Variants in VRK1 observed in about 807,000 individuals in gnomAD.
VRK1 encodes the protein serine/threonine-protein kinase VRK1.
A neutral mutation model predicts 57.1 loss-of-function variants in VRK1; 33 were observed. The observed-to-expected ratio is 0.58, with a 90% CI of 0.44 to 0.77. The LOEUF (loss-of-function observed/expected upper bound fraction) is 0.77. Among genes scored for constraint, VRK1 ranks in the 30% least tolerant of loss-of-function variants. VRK1 has a pLI of 0.00. For missense variants in VRK1, 413 were observed against 477.3 expected, an observed-to-expected ratio of 0.87 and a Z score of 1.25; for synonymous variants, 137 against 147.8, an observed-to-expected ratio of 0.93 and a Z score of 0.53.
At chr14:96,806,495 A>G (rs769118491) in intron 1 of VRK1, among the ~76,000 whole-genome samples, 1 of 152,212 alleles carries the variant, frequency 6.6e-6, no homozygotes, top group Non-Finnish European at 1.5e-5. Context: ...AAGCTTTGAA[A>G]GTCATTTGAT....
chr14:96,847,768 C>T (rs545316428), intron 5 of VRK1, among the ~76,000 whole-genome samples: 38 of 152,286 alleles, frequency 2.5e-4, no homozygotes, highest in African/African-American at 8.9e-4. Context: ...ATAATCTGCC[C>T]ACACAAGATT....
chr14:96,802,386 A>G (rs1375400092), intron 1 of VRK1, among the ~76,000 whole-genome samples: 2 of 152,242 alleles, frequency 1.3e-5, no homozygotes, highest in Non-Finnish European at 2.9e-5. Flanking sequence ...ATGGTTAAAT[A>G]AAATGTGATA....
chr14:96,846,084 T>TA lies in VRK1; in HGVS notation c.217-10dup, dbSNP rs749761202. ...ACTACTGCTAGTACTAATTAACTCTTATATTTTAAGGAACCCAGTGACAAT... is the reference window on the plus strand; with the variant it reads ...ACTACTGCTAGTACTAATTAACTCTTAATATTTTAAGGAACCCAGTGACAAT... On this transcript the variant is annotated splice_polypyrimidine_tract_variant and intron_variant, in intron 3 of 12. Transcript: ENST00000216639. The TA allele has an allele frequency of 2.5e-6, 4 of 1,611,606 alleles. No individual in the cohort carries two copies. In the African/African-American group the frequency reaches 5.3e-5, roughly 22 times the overall value.
chr14:96,861,847 A>AG (rs1284813966), intron 11 of VRK1, among the ~76,000 whole-genome samples: 4 of 152,308 alleles, frequency 2.6e-5, no homozygotes, highest in African/African-American at 9.6e-5. Flanking sequence ...TTTGAAATGA[A>AG]GAGGGTAAAA....
At chr14:96,853,254 G>A (rs747396104) in intron 7 of VRK1, 88 bp downstream of exon 7, 11 of 1,189,766 alleles carry the variant, frequency 9.2e-6, no homozygotes, top group East Asian at 2.4e-5. Context: ...CTGTGTAGAA[G>A]TTTTACTTTT....
intron 3 of VRK1, among the ~76,000 whole-genome samples, chr14:96,843,710 T>G (rs1472032190): frequency 6.6e-6 from 1 of 152,224 alleles, no homozygotes; most frequent in Non-Finnish European, 1.5e-5. Flanking sequence ...TGGCAAAGTA[T>G]TTTAGATTTG....
intron 11 of VRK1, among the ~76,000 whole-genome samples, chr14:96,862,032 C>A (rs1170731810): frequency 6.6e-6 from 1 of 152,206 alleles, no homozygotes; most frequent in Non-Finnish European, 1.5e-5. Flanking sequence ...AAGTAAAGAT[C>A]TCTGCTGCTA....
intron 1 of VRK1, among the ~76,000 whole-genome samples, chr14:96,815,772 T>G (rs2139706359): frequency 6.6e-6 from 1 of 151,066 alleles, no homozygotes; most frequent in Non-Finnish European, 1.5e-5. Flanking sequence ...GTGGCACTGG[T>G]CTGTAGTCCC....
intron 11 of VRK1, among the ~76,000 whole-genome samples, chr14:96,862,665 T>G (rs759816738): frequency 2.0e-5 from 3 of 152,084 alleles, no homozygotes; most frequent in Non-Finnish European, 4.4e-5. Context: ...AGTTGGGGGC[T>G]CCCTGCAATG....
intron 1 of VRK1, among the ~76,000 whole-genome samples, chr14:96,812,195 T>C (rs899060066): frequency 6.6e-6 from 1 of 152,230 alleles, no homozygotes; most frequent in African/African-American, 2.4e-5. Flanking sequence ...TGAAGGACTT[T>C]GGGGTTGCTT....
At chr14:96,799,026 A>G (rs188863194) in intron 1 of VRK1, among the ~76,000 whole-genome samples, 3 of 152,356 alleles carry the variant, frequency 2.0e-5, no homozygotes, top group Admixed American at 1.3e-4. Context: ...GTTAGGCGTT[A>G]CTGTCAATTT....
chr14:96,866,685 G>T (rs891545761), intron 11 of VRK1, among the ~76,000 whole-genome samples: 20 of 152,124 alleles, frequency 1.3e-4, no homozygotes, highest in Non-Finnish European at 5.9e-5. Context: ...CCCCCAAGCT[G>T]CCTGACTTAC....
chr14:96,876,040 A>T lies in VRK1; in HGVS notation c.1079A>T (p.Lys360Ile). The T allele has an allele frequency of 6.2e-7, 1 of 1,613,378 alleles. No homozygotes were observed. The highest frequency in any genetic ancestry group is 8.5e-7 in the Non-Finnish European group (1 of 1,179,528). Residue 360 changes from lysine (K) to isoleucine (I), a missense_variant, in exon 12 of 13, where the codon AAA becomes ATA. Physicochemically the swap from Lys to Ile is moderately radical, Grantham distance 102. This residue lies in a region of VRK1 where 146 missense variants were observed against 138.2 expected (regional missense o/e 1.06). Coordinates refer to ENST00000216639, the MANE Select transcript of VRK1 (RefSeq NM_003384.3). Reference protein sequence around the residue: ...KAKTITKKRKKEIEESKEPGV... With the variant: ...KAKTITKKRKIEIEESKEPGV... ...AATTTTATATGTAAGAAGCGAAAGA[A>T]AGAAATTGAAGAAAGCAAGGAACCT...
At chr14:96,815,906 T>G (rs1430596382) in intron 1 of VRK1, among the ~76,000 whole-genome samples, 1 of 151,878 alleles carries the variant, frequency 6.6e-6, no homozygotes, top group African/African-American at 2.4e-5. Flanking sequence ...AAAAATCTTC[T>G]TGCTCTGTCC....
chr14:96,861,895 G>A (rs1262965581), intron 11 of VRK1, among the ~76,000 whole-genome samples: 2 of 151,928 alleles, frequency 1.3e-5, no homozygotes, highest in African/African-American at 4.8e-5. Flanking sequence ...AGGTATTATA[G>A]TAAACTTACT....
chr14:96,834,361 T>A (rs1363679925), intron 2 of VRK1, among the ~76,000 whole-genome samples: 1 of 152,206 alleles, frequency 6.6e-6, no homozygotes, highest in East Asian at 1.9e-4. Context: ...TTTTTAGCAA[T>A]ATCTTACTCA....
intron 1 of VRK1, among the ~76,000 whole-genome samples, chr14:96,829,908 C>T (rs919532245): frequency 6.6e-6 from 1 of 152,094 alleles, no homozygotes; most frequent in East Asian, 1.9e-4. Flanking sequence ...GTGGCAGACC[C>T]CTTCTACTGG....
At chr14:96,815,163 G>A (rs1886344374) in intron 1 of VRK1, among the ~76,000 whole-genome samples, 1 of 152,064 alleles carries the variant, frequency 6.6e-6, no homozygotes, top group Non-Finnish European at 1.5e-5. Flanking sequence ...TGACTAATGT[G>A]ATAACTAAAA....
chr14:96,829,364 T>G (rs1886920127), intron 1 of VRK1, among the ~76,000 whole-genome samples: 1 of 152,176 alleles, frequency 6.6e-6, no homozygotes, highest in African/African-American at 2.4e-5. Flanking sequence ...AGTGGTATTT[T>G]AAGACTACAA....
Sources: allele counts gnomAD v4.1 joint callset (sites outside exome capture counted in the v4.1 genomes callset), GRCh38; gene constraint gnomAD v4.1.1; regional missense constraint gnomAD v4.1.1; transcripts MANE v1.5; gene names NCBI Gene and HGNC (gene_info 2026-07-23, HGNC 2026-07-21).